DTWD1: variants seen among roughly 807,000 people sequenced by gnomAD.
DTWD1 encodes the protein tRNA-uridine aminocarboxypropyltransferase 1.
A neutral mutation model predicts 30.2 loss-of-function variants in DTWD1; 27 were observed. The observed-to-expected ratio is 0.90, with a 90% CI of 0.66 to 1.23. The LOEUF (loss-of-function observed/expected upper bound fraction) is 1.23. Among genes scored for constraint, DTWD1 ranks in the 50% most tolerant of loss-of-function variants. The probability of loss-of-function intolerance (pLI) is 0.00; values close to 1 mark genes in which losing one functional copy is unlikely to be tolerated. For missense variants in DTWD1, 342 were observed against 348.8 expected, an observed-to-expected ratio of 0.98 and a Z score of 0.15; for synonymous variants, 99 against 113.1, an observed-to-expected ratio of 0.88 and a Z score of 0.79.
chr15:49,645,022 A>G lies in DTWD1; in HGVS notation c.*1444A>G, dbSNP rs761388554. 3 of 152,192 alleles carry G rather than the reference A, an allele frequency of 2.0e-5. No homozygotes were observed. The highest frequency in any genetic ancestry group is 4.8e-5 in the African/African-American group (2 of 41,452). The allele number at this position is 152,192 out of a possible 1,614,324, so 9.4% of individuals were successfully genotyped here. A position where few individuals can be genotyped will look rare whatever the true frequency, so the allele number is the denominator to read the frequency against. On this transcript the variant is annotated 3_prime_UTR_variant, in exon 5 of 5. Coordinates refer to ENST00000403028, the MANE Select transcript of DTWD1 (RefSeq NM_001144955.2). ...GGACACATGATGTTTTATGGGGGAA[A>G]GAGTTCTTGGTGAAATTAGTTTGCT... is the stretch of plus-strand genomic sequence containing the variant.
chr15:49,643,762 T>C lies in DTWD1; in HGVS notation c.*184T>C. 1.8e-6 allele frequency: 1 copy of C among 569,014 alleles called. No individual in the cohort carries two copies. Among genetic ancestry groups the C allele is most frequent in the Non-Finnish European group, 2.7e-6 (1 of 373,684 alleles). The allele number at this position is 569,014 out of a possible 1,614,324, so 35.2% of individuals were successfully genotyped here. A position where few individuals can be genotyped will look rare whatever the true frequency, so the allele number is the denominator to read the frequency against. ...TGTATCTGGGGGAATTTTTCAGAGA[T>C]ACTGTTGATTGAAAAACTTACTTCA... On this transcript the variant is annotated 3_prime_UTR_variant, in exon 5 of 5. Transcript: ENST00000403028.
intron 3 of DTWD1, among the ~76,000 whole-genome samples, chr15:49,633,816 G>T (rs2153352842): frequency 6.6e-6 from 1 of 152,224 alleles, no homozygotes; most frequent in East Asian, 1.9e-4. Context: ...TTTGTGCCAG[G>T]AGCTGTTCAG....
At position 49,647,415 on chromosome 15, in the gene DTWD1, CA is replaced by C. The variant is rs1386686109; in HGVS notation, c.*3838del. The C allele has an allele frequency of 6.6e-6, 1 of 152,112 alleles. No individual in the cohort carries two copies. Among genetic ancestry groups the C allele is most frequent in the African/African-American group, 2.4e-5 (1 of 41,416 alleles). 9.4% of individuals were successfully genotyped at this position (152,112 alleles called of 1,614,324 possible). A position where few individuals can be genotyped will look rare whatever the true frequency, so the allele number is the denominator to read the frequency against. On this transcript the variant is annotated 3_prime_UTR_variant, in exon 5 of 5. Transcript: ENST00000403028. ...TTCATTTCAGTTCCATTTCCATACCCATTGCCTTAATTTTGAGCTTGTCTGT... is the reference window on the plus strand; with the variant it reads ...TTCATTTCAGTTCCATTTCCATACCCTTGCCTTAATTTTGAGCTTGTCTGT...
chr15:49,641,136 A>G (rs996341747), intron 4 of DTWD1, among the ~76,000 whole-genome samples: 7 of 151,990 alleles, frequency 4.6e-5, no homozygotes, highest in Admixed American at 3.9e-4. Context: ...TCACGTTTCA[A>G]TCTGATAATC....
rs557527844 is a variant in DTWD1, at chr15:49,645,402, A to G, written c.*1824A>G. 6.6e-6 allele frequency: 1 copy of G among 152,326 alleles called. No individual in the cohort carries two copies. The highest frequency in any genetic ancestry group is 1.9e-4 in the East Asian group (1 of 5,190). The allele number at this position is 152,326 out of a possible 1,614,324, so 9.4% of individuals were successfully genotyped here. On this transcript the variant is annotated 3_prime_UTR_variant, in exon 5 of 5. Coordinates refer to ENST00000403028, the MANE Select transcript of DTWD1 (RefSeq NM_001144955.2). ...ATTCATAAAAAGGAATGTGGATTAT[A>G]TAAGGCTTGAACATTATTAGTCTTA...
At position 49,650,782 on chromosome 15, in the gene DTWD1, A is replaced by G. The variant is rs1366862128; in HGVS notation, c.*7204A>G. 1.3e-5 allele frequency: 2 copies of G among 152,064 alleles called. No individual in the cohort carries two copies. Among genetic ancestry groups the G allele is most frequent in the Non-Finnish European group, 2.9e-5 (2 of 68,046 alleles). 9.4% of individuals were successfully genotyped at this position (152,064 alleles called of 1,614,324 possible). ...TCAGAGCTCCCTCTATTACAACTTA[A>G]TTTCTTCTTCTGCCCAATCCTGCTT... On this transcript the variant is annotated 3_prime_UTR_variant, in exon 5 of 5. Transcript: ENST00000403028.
rs1357738943 is a variant in DTWD1, at chr15:49,651,294, T to C, written c.*7716T>C. On this transcript the variant is annotated 3_prime_UTR_variant, in exon 5 of 5. Coordinates refer to ENST00000403028, the MANE Select transcript of DTWD1 (RefSeq NM_001144955.2). ...GACATACTTGTGTCAAGTATGTACA[T>C]GAACTGTGAAGGTCTCTGTATTACG... is the stretch of plus-strand genomic sequence containing the variant. 6.6e-6 allele frequency: 1 copy of C among 152,184 alleles called. No homozygotes were observed. Among genetic ancestry groups the C allele is most frequent in the Middle Eastern group, 3.2e-3 (1 of 316 alleles). 9.4% of individuals were successfully genotyped at this position (152,184 alleles called of 1,614,324 possible).
intron 4 of DTWD1, among the ~76,000 whole-genome samples, chr15:49,635,125 C>T (rs1401024969): frequency 1.3e-5 from 2 of 152,160 alleles, no homozygotes; most frequent in African/African-American, 4.8e-5. Flanking sequence ...ACCTCCTCCT[C>T]CTGGGTTCAA....
chr15:49,647,533 A>T lies in DTWD1; in HGVS notation c.*3955A>T, dbSNP rs1031765002. On this transcript the variant is annotated 3_prime_UTR_variant, in exon 5 of 5. Coordinates refer to ENST00000403028, the MANE Select transcript of DTWD1 (RefSeq NM_001144955.2). ...GAGCCTCGAAACATCACCAAATACC[A>T]TGAATGCATTAGGTATATTTTTTGT... 6.6e-6 allele frequency: 1 copy of T among 152,184 alleles called. No homozygotes were observed. Among genetic ancestry groups the T allele is most frequent in the Non-Finnish European group, 1.5e-5 (1 of 68,020 alleles). The allele number at this position is 152,184 out of a possible 1,614,324, so 9.4% of individuals were successfully genotyped here.
intron 3 of DTWD1, chr15:49,633,491 C>G (rs1462967080): frequency 4.2e-5 from 7 of 167,550 alleles, no homozygotes; most frequent in Non-Finnish European, 6.6e-5. Context: ...TGCGCCACTA[C>G]TTCCAGCTAA....
At chr15:49,632,367 C>G in intron 3 of DTWD1, 65 bp downstream of exon 3, 1 of 1,415,736 alleles carries the variant, frequency 7.1e-7, no homozygotes, top group Non-Finnish European at 9.6e-7. Context: ...CCTCCATTGC[C>G]TTTCTGAACT....
Position 49,651,125 on chromosome 15 carries a change from A to G in DTWD1, c.*7547A>G, listed in dbSNP as rs2079149832. 1 of 152,202 alleles carries G rather than the reference A, an allele frequency of 6.6e-6. No homozygotes were observed. The highest frequency in any genetic ancestry group is 6.5e-5 in the Admixed American group (1 of 15,278). 9.4% of individuals were successfully genotyped at this position (152,202 alleles called of 1,614,324 possible). On this transcript the variant is annotated 3_prime_UTR_variant, in exon 5 of 5. Coordinates refer to ENST00000403028, the MANE Select transcript of DTWD1 (RefSeq NM_001144955.2). Reference sequence around the variant, plus strand: ...AGAATTGAATGGCCAAGTGCCACTAATGCTCTGTAGAAAGAGGGCTTCTTT... The same window carrying G: ...AGAATTGAATGGCCAAGTGCCACTAGTGCTCTGTAGAAAGAGGGCTTCTTT...
At chr15:49,634,008 G>A (rs754391681) in intron 3 of DTWD1, among the ~76,000 whole-genome samples, 3 of 152,150 alleles carry the variant, frequency 2.0e-5, no homozygotes, top group Non-Finnish European at 2.9e-5. Context: ...CACATAATGA[G>A]ATCGTTGAAC....
At chr15:49,634,011 C>G (rs571791307) in intron 3 of DTWD1, among the ~76,000 whole-genome samples, 2 of 152,050 alleles carry the variant, frequency 1.3e-5, no homozygotes, top group Non-Finnish European at 2.9e-5. Flanking sequence ...ATAATGAGAT[C>G]GTTGAACCAA....
At position 49,648,678 on chromosome 15, in the gene DTWD1, T is replaced by C. The variant is rs1421137359; in HGVS notation, c.*5100T>C. ...TATAGTCTTATTTTATATGTTATAG[T>C]GAATCATATTTATCTCATTATATAT... is the stretch of plus-strand genomic sequence containing the variant. On this transcript the variant is annotated 3_prime_UTR_variant, in exon 5 of 5. Transcript: ENST00000403028. The C allele has an allele frequency of 6.6e-6, 1 of 152,202 alleles. No homozygotes were observed. The highest frequency in any genetic ancestry group is 1.5e-5 in the Non-Finnish European group (1 of 68,030). The allele number at this position is 152,202 out of a possible 1,614,324, so 9.4% of individuals were successfully genotyped here.
At chr15:49,622,424 C>T (rs1322237009) in intron 1 of DTWD1, among the ~76,000 whole-genome samples, 2 of 152,118 alleles carry the variant, frequency 1.3e-5, no homozygotes, top group African/African-American at 4.8e-5. Flanking sequence ...AAGGTAGATG[C>T]AACTTGGTGA....
rs199874197 is a variant in DTWD1, at chr15:49,634,801, A to C, written c.667+7A>C. 3.3e-5 allele frequency: 52 copies of C among 1,552,380 alleles called. No homozygotes were observed. In the East Asian group the frequency reaches 8.2e-4, roughly 25 times the overall value. On this transcript the variant is annotated splice_region_variant and intron_variant, in intron 4 of 4. Coordinates refer to ENST00000403028, the MANE Select transcript of DTWD1 (RefSeq NM_001144955.2). ...ACTGATGAGCGACTTCAAGGTAAAA[A>C]AAAAATGTTTTTTTGGACTGCTCCT...
At chr15:49,626,013 T>C (rs2078839363) in intron 2 of DTWD1, among the ~76,000 whole-genome samples, 2 of 152,144 alleles carry the variant, frequency 1.3e-5, no homozygotes, top group South Asian at 4.1e-4. Flanking sequence ...CAAGTGTATT[T>C]ATGGAAAATT....
In DTWD1 at chr15:49,647,023, G is replaced by A. The variant is rs1028209610; in HGVS notation, c.*3445G>A. ...GTTTACCCCAATGTGAGAATTACTG[G>A]GGTAATAAAGGTCTGGAAGGCTGCA... On this transcript the variant is annotated 3_prime_UTR_variant, in exon 5 of 5. Transcript: ENST00000403028. 6.6e-6 allele frequency: 1 copy of A among 152,152 alleles called. No homozygotes were observed. The highest frequency in any genetic ancestry group is 2.4e-5 in the African/African-American group (1 of 41,438). The allele number at this position is 152,152 out of a possible 1,614,324, so 9.4% of individuals were successfully genotyped here. A position where few individuals can be genotyped will look rare whatever the true frequency, so the allele number is the denominator to read the frequency against.
Sources: allele counts gnomAD v4.1 joint callset (sites outside exome capture counted in the v4.1 genomes callset), GRCh38; gene constraint gnomAD v4.1.1; transcripts MANE v1.5; gene names NCBI Gene and HGNC (gene_info 2026-07-23, HGNC 2026-07-21).